Variants in UVSSA observed in about 807,000 individuals in gnomAD.
UVSSA encodes UV-stimulated scaffold protein A.
In UVSSA, 72 loss-of-function variants were observed where a neutral mutation model predicts 73.9. The observed-to-expected ratio is 0.97, with a 90% CI of 0.81 to 1.19. The LOEUF (loss-of-function observed/expected upper bound fraction) is 1.19, where lower values mean the gene tolerates loss of function less well. UVSSA is among the 50% of genes most tolerant of loss of function. The pLI is 0.00. For missense variants in UVSSA, 1,150 were observed against 965.0 expected (o/e 1.19, Z -2.54); for synonymous variants, 454 against 391.3 (o/e 1.16, Z -1.89).
In UVSSA at chr4:1,353,391, G is replaced by T. The variant is rs369014709; in HGVS notation, c.912G>T (p.Thr304=). The change falls in exon 5 of 14, where the codon ACG becomes ACT. Residue 304 remains threonine (T), a synonymous_variant. Coordinates refer to ENST00000389851, the MANE Select transcript of UVSSA (RefSeq NM_020894.4). The stretch of plus-strand genomic sequence containing the variant: ...ACGGGCTGGGCTCGCACAAGTACAC[G>T]CTGGATGTGGAGCTCTGCTCAGGTA... ...RSHGLGSHKY[T]LDVELCSEGL... The T allele has an allele frequency of 2.3e-5, 36 of 1,581,860 alleles. No individual in the cohort carries two copies. The Admixed American group carries it at 5.7e-4, about 25-fold the overall frequency.
chr4:1,372,278 T>C (rs1718145853), intron 8 of UVSSA, among the ~76,000 whole-genome samples: 1 of 152,192 alleles, frequency 6.6e-6, no homozygotes, highest in African/African-American at 2.4e-5. Context: ...TCTGAATCTG[T>C]TTAGTTAACG....
At chr4:1,394,501 C>T (rs746196122) in exon 14 of UVSSA, 2 of 1,612,152 alleles carry the variant, frequency 1.2e-6, no homozygotes, top group East Asian at 2.2e-5. Context: ...CCAGGTGTCC[C>T]TGCACCTCTT....
At chr4:1,371,628 A>C (rs576556387) in intron 8 of UVSSA, among the ~76,000 whole-genome samples, 3 of 152,300 alleles carry the variant, frequency 2.0e-5, no homozygotes, top group South Asian at 4.1e-4. Context: ...AGAAGGAGCA[A>C]GTCACATCTT....
chr4:1,351,482 T>C (rs971293054), intron 3 of UVSSA, among the ~76,000 whole-genome samples: 1 of 151,388 alleles, frequency 6.6e-6, no homozygotes, highest in African/African-American at 2.4e-5. Flanking sequence ...GCCTCCCGGG[T>C]TCACACCATT....
intron 3 of UVSSA, 122 bp downstream of exon 3, chr4:1,349,976 C>T: frequency 1.1e-6 from 1 of 949,304 alleles, no homozygotes; most frequent in Non-Finnish European, 1.5e-6. Context: ...TTGGCCTTGC[C>T]TGAACACCCA....
chr4:1,363,262 C>T (rs1214057547), intron 7 of UVSSA, among the ~76,000 whole-genome samples: 5 of 152,106 alleles, frequency 3.3e-5, no homozygotes, highest in East Asian at 1.9e-4. Context: ...AGATGCTCAC[C>T]GGGACCAGGG....
chr4:1,389,011 T>G (rs1242867614), downstream of UVSSA: 2 of 152,224 alleles, frequency 1.3e-5, no homozygotes, highest in Non-Finnish European at 2.9e-5. Flanking sequence ...TTGTTGTTAA[T>G]TATTTAAACA....
rs745633218 is a variant in UVSSA at position 1,351,710 on chromosome 4, C to G, written c.430-5C>G. On this transcript the variant is annotated splice_polypyrimidine_tract_variant and splice_region_variant and intron_variant, in intron 3 of 13. Transcript: ENST00000389851. ...GTCCCCTAGTCTTTATTTTCAATTG[C>G]TCAGGTGGATTTTCAAGACACGAAT... is the stretch of plus-strand genomic sequence containing the variant. 1.2e-6 allele frequency: 2 copies of G among 1,612,680 alleles called. No homozygotes were observed. Among genetic ancestry groups the G allele is most frequent in the Admixed American group, 1.7e-5 (1 of 59,978 alleles).
chr4:1,383,309 C>A (rs1004503901), intron 12 of UVSSA, among the ~76,000 whole-genome samples: 3 of 152,238 alleles, frequency 2.0e-5, no homozygotes, highest in Non-Finnish European at 2.9e-5. Context: ...TACCTCCCCA[C>A]CAGCAGGCGT....
intron 8 of UVSSA, among the ~76,000 whole-genome samples, chr4:1,370,382 C>T (rs924697495): frequency 2.0e-5 from 3 of 152,240 alleles, no homozygotes; most frequent in Admixed American, 1.3e-4. Flanking sequence ...TGAGTGCCAG[C>T]GCTGAGCAGG....
chr4:1,360,770 G>T (rs1220704280), intron 7 of UVSSA, among the ~76,000 whole-genome samples: 2 of 152,230 alleles, frequency 1.3e-5, no homozygotes, highest in Non-Finnish European at 2.9e-5. Context: ...TCTCCGCAGA[G>T]CTCGGGGGCA....
intron 10 of UVSSA, 30 bp from the exon 11 acceptor site, chr4:1,380,016 AT>A: frequency 1.9e-6 from 3 of 1,568,756 alleles, no homozygotes; most frequent in Non-Finnish European, 2.6e-6. Flanking sequence ...GTCCCTGCAG[AT>A]GCTATGAGGG....
rs1404883701 is a variant in UVSSA, at chr4:1,349,589, C to T, written c.164C>T (p.Ala55Val). 1.2e-6 allele frequency: 2 copies of T among 1,614,002 alleles called. No individual in the cohort carries two copies. Among genetic ancestry groups the T allele is most frequent in the Non-Finnish European group, 1.7e-6 (2 of 1,180,032 alleles). ...ATAGCACAGCTGACCCAGGAGCACG[C>T]CGAGATCCGTCTCTCAGCCTTCCAG... Reference protein sequence around the residue: ...LLIAQLTQEHAEIRLSAFQIV... With the variant: ...LLIAQLTQEHVEIRLSAFQIV... The change falls in exon 3 of 14, where the codon GCC (alanine) becomes GTC (valine). Residue 55 changes from alanine to valine, a missense_variant. Coordinates refer to ENST00000389851, the MANE Select transcript of UVSSA (RefSeq NM_020894.4).
intron 8 of UVSSA, among the ~76,000 whole-genome samples, chr4:1,370,263 G>T (rs181502171): frequency 1.7e-4 from 26 of 152,352 alleles, no homozygotes; most frequent in African/African-American, 5.8e-4. Flanking sequence ...ATGTGCGTGT[G>T]TGCGTGTGTG....
At position 1,375,490 on chromosome 4, in the gene UVSSA, C is replaced by T. The variant is rs1718654676; in HGVS notation, c.1415C>T (p.Pro472Leu). The change falls in exon 9 of 14, where the codon CCT becomes CTT. Residue 472 changes from proline to leucine, a missense_variant. Coordinates refer to ENST00000389851, the MANE Select transcript of UVSSA (RefSeq NM_020894.4). ...AQLRQLRDHL[P>L]PPSSASPSRA... ...CTGCGGCAGCTCCGGGACCACTTGC[C>T]TCCACCCTCATCTGCCAGGTGACTC... 6.2e-7 allele frequency: 1 copy of T among 1,611,152 alleles called. No individual in the cohort carries two copies. The highest frequency in any genetic ancestry group is 1.1e-5 in the South Asian group (1 of 91,070).
At chr4:1,373,754 C>G (rs536262805) in intron 8 of UVSSA, among the ~76,000 whole-genome samples, 10 of 152,310 alleles carry the variant, frequency 6.6e-5, no homozygotes, top group Non-Finnish European at 1.5e-5. Context: ...GCGCGTCCCC[C>G]ACACCCCTCA....
chr4:1,352,231 T>C (rs956400524), intron 4 of UVSSA, among the ~76,000 whole-genome samples: 1 of 152,200 alleles, frequency 6.6e-6, no homozygotes, highest in Admixed American at 6.5e-5. Flanking sequence ...CAGCCTTTCT[T>C]GTGAGGGGCA....
In UVSSA at chr4:1,395,666, C is replaced by T. The variant is rs1237889191; in HGVS notation, c.*9705C>T. Reference sequence around the variant, plus strand: ...CGTGCCCATGTGGAGTGCCTGCCTGCTCACACACGTGCCCATGTGGAGTGC... The same window carrying T: ...CGTGCCCATGTGGAGTGCCTGCCTGTTCACACACGTGCCCATGTGGAGTGC... On this transcript the variant is annotated 3_prime_UTR_variant, in exon 14 of 14. Coordinates refer to the UVSSA transcript ENST00000511216. 2.5e-6 allele frequency: 4 copies of T among 1,600,224 alleles called. No individual in the cohort carries two copies. In the South Asian group the frequency reaches 4.4e-5, roughly 18 times the overall value.
intron 7 of UVSSA, among the ~76,000 whole-genome samples, chr4:1,361,624 G>A (rs1222150161): frequency 6.6e-6 from 1 of 152,236 alleles, no homozygotes; most frequent in Admixed American, 6.5e-5. Context: ...CTCAAGGTGC[G>A]TCCCTGGCAG....
Sources: allele counts gnomAD v4.1 joint callset (sites outside exome capture counted in the v4.1 genomes callset), GRCh38; gene constraint gnomAD v4.1.1; transcripts MANE v1.5; gene names NCBI Gene and HGNC (gene_info 2026-07-23, HGNC 2026-07-21).